The following TF variants were observed in gnomAD, a reference collection of about 807,000 sequenced individuals.
TF encodes the protein serotransferrin.
In TF, 55 loss-of-function variants were observed where a neutral mutation model predicts 82.4. The observed-to-expected ratio is 0.67, with a 90% CI of 0.54 to 0.84. The LOEUF (loss-of-function observed/expected upper bound fraction) is 0.84. Among genes scored for constraint, TF ranks in the 40% least tolerant of loss-of-function variants. TF has a pLI of 0.00. For synonymous variants in TF, 332 were observed against 332.6 expected (o/e 1.00, Z 0.02); for missense variants, 737 against 868.4 (o/e 0.85, Z 1.90).
the TF span, among the ~76,000 whole-genome samples, chr3:133,709,180 C>T: frequency 7.2e-4 from 109 of 152,340 alleles, no homozygotes; most frequent in Non-Finnish European, 1.3e-3. Flanking sequence ...AAAAACCTAA[C>T]ATCTCCAAGA....
chr3:133,705,239 A>G, the TF span, among the ~76,000 whole-genome samples: 1 of 150,680 alleles, frequency 6.6e-6, no homozygotes, highest in African/African-American at 2.4e-5. Context: ...GTGCCATTGC[A>G]CTCCAGCCTG....
At chr3:133,713,056 GTCACAACTC>G in the TF span, among the ~76,000 whole-genome samples, 2 of 152,358 alleles carry the variant, frequency 1.3e-5, no homozygotes, top group South Asian at 4.1e-4. Context: ...TGGCGGCAGA[GTCACAACTC>G]TAGTTCTACT....
the TF span, among the ~76,000 whole-genome samples, chr3:133,722,208 C>G: frequency 6.6e-6 from 1 of 151,726 alleles, no homozygotes; most frequent in African/African-American, 2.4e-5. Context: ...GACTTAATGT[C>G]TATTTTATCT....
rs2107941670 is a variant in TF, at chr3:133,783,724, C to G, written c.*5104C>G. Reference sequence around the variant, plus strand: ...ACAGAATTTGAGATGTGAGCGCGGACAGCTCTGCTGGGCCCTCCAGGCCCT... The same window carrying G: ...ACAGAATTTGAGATGTGAGCGCGGAGAGCTCTGCTGGGCCCTCCAGGCCCT... On this transcript the variant is annotated 3_prime_UTR_variant, in exon 17 of 17. Transcript: ENST00000402696. The G allele has an allele frequency of 6.6e-6, 1 of 152,388 alleles. No homozygotes were observed. Among genetic ancestry groups the G allele is most frequent in the South Asian group, 2.1e-4 (1 of 4,832 alleles). The allele number at this position is 152,388 out of a possible 1,614,324, so 9.4% of individuals were successfully genotyped here.
At chr3:133,702,019 T>C in the TF span, 1 of 153,096 alleles carries the variant, frequency 6.5e-6, no homozygotes, top group Non-Finnish European at 1.5e-5. Flanking sequence ...GTGCTGTGAC[T>C]GGTGGTGCCT....
chr3:133,663,226 A>C, the TF span, among the ~76,000 whole-genome samples: 1 of 152,068 alleles, frequency 6.6e-6, no homozygotes, highest in Non-Finnish European at 1.5e-5. Flanking sequence ...CCACTTGCCC[A>C]TGGTGTATTT....
chr3:133,694,736 C>T, the TF span, among the ~76,000 whole-genome samples: 1 of 152,240 alleles, frequency 6.6e-6, no homozygotes, highest in Non-Finnish European at 1.5e-5. Flanking sequence ...CCCCATCTCC[C>T]TCTCAGCCCC....
chr3:133,740,927 T>TTTA, the TF span, among the ~76,000 whole-genome samples: 4 of 110,140 alleles, frequency 3.6e-5, no homozygotes, highest in East Asian at 5.9e-4. Flanking sequence ...TTTTTTTTTT[T>TTTA]AATTTGAGTA....
rs1934092344 is a variant in TF, at chr3:133,764,997, T to C, written c.1330+90T>C. ...AGATTTAAAATTCAAGTATATAAGG[T>C]GCTGTAAGAGACCAATTTTCACAAT... On this transcript the variant is annotated intron_variant, in intron 11 of 16. Coordinates refer to ENST00000402696, the MANE Select transcript of TF (RefSeq NM_001063.4). 4 of 1,378,584 alleles carry C rather than the reference T, an allele frequency of 2.9e-6. No individual in the cohort carries two copies. In the Admixed American group the frequency reaches 5.2e-5, roughly 18 times the overall value. The allele number at this position is 1,378,584 out of a possible 1,614,324, so 85.4% of individuals were successfully genotyped here.
chr3:133,772,356 G>A (rs991991405), intron 14 of TF, among the ~76,000 whole-genome samples: 3 of 151,964 alleles, frequency 2.0e-5, no homozygotes, highest in African/African-American at 7.3e-5. Context: ...TTTAAGCTTT[G>A]ACTCTCTTAC....
rs1458570382 is a variant in TF, at chr3:133,794,877, A to C, written c.*16257A>C. On this transcript the variant is annotated 3_prime_UTR_variant, in exon 17 of 17. Coordinates refer to ENST00000402696, the MANE Select transcript of TF (RefSeq NM_001063.4). ...TGCCTCTATGAAGAATAGAAGTGGA[A>C]AAAGGATCTGTTGTGTACAATTATG... is the stretch of plus-strand genomic sequence containing the variant. 6.6e-6 allele frequency: 1 copy of C among 152,218 alleles called. No individual in the cohort carries two copies. Among genetic ancestry groups the C allele is most frequent in the African/African-American group, 2.4e-5 (1 of 41,456 alleles). 9.4% of individuals were successfully genotyped at this position (152,218 alleles called of 1,614,324 possible). A position where few individuals can be genotyped will look rare whatever the true frequency, so the allele number is the denominator to read the frequency against.
At chr3:133,749,519 A>G (rs568483430) in intron 2 of TF, among the ~76,000 whole-genome samples, 1 of 152,256 alleles carries the variant, frequency 6.6e-6, no homozygotes, top group South Asian at 2.1e-4. Flanking sequence ...CAATGGAGGG[A>G]AAAAGGAGAG....
chr3:133,723,314 T>C, the TF span, among the ~76,000 whole-genome samples: 2 of 152,188 alleles, frequency 1.3e-5, no homozygotes, highest in African/African-American at 4.8e-5. Context: ...TGGATGTTCA[T>C]ATCTCTTACT....
At position 133,791,286 on chromosome 3, in the gene TF, T is replaced by A. The variant is rs1408666549; in HGVS notation, c.*12666T>A. 1 of 152,164 alleles carries A rather than the reference T, an allele frequency of 6.6e-6. No individual in the cohort carries two copies. Among genetic ancestry groups the A allele is most frequent in the African/African-American group, 2.4e-5 (1 of 41,436 alleles). The allele number at this position is 152,164 out of a possible 1,614,324, so 9.4% of individuals were successfully genotyped here. ...TATATTTTCATAAACAGAATTTGAG[T>A]CATATTTCTCTGTCTGCCCATTTTC... On this transcript the variant is annotated 3_prime_UTR_variant, in exon 17 of 17. Coordinates refer to ENST00000402696, the MANE Select transcript of TF (RefSeq NM_001063.4).
Position 133,788,106 on chromosome 3 carries a change from GT to G in TF, c.*9487del, listed in dbSNP as rs1934732713. ...AACCCTACTGATGCAAGAGAATAGG[GT>G]CTGGAGGCAGGAAACATAAAGCAGA... is the stretch of plus-strand genomic sequence containing the variant. On this transcript the variant is annotated 3_prime_UTR_variant, in exon 17 of 17. Coordinates refer to ENST00000402696, the MANE Select transcript of TF (RefSeq NM_001063.4). 6.6e-6 allele frequency: 1 copy of G among 152,334 alleles called. No individual in the cohort carries two copies. Among genetic ancestry groups the G allele is most frequent in the African/African-American group, 2.4e-5 (1 of 41,440 alleles). The allele number at this position is 152,334 out of a possible 1,614,324, so 9.4% of individuals were successfully genotyped here. A position where few individuals can be genotyped will look rare whatever the true frequency, so the allele number is the denominator to read the frequency against.
Position 133,751,056 on chromosome 3 carries a change from AC to A in TF, c.216+2475del, listed in dbSNP as rs1278949912. The stretch of plus-strand genomic sequence containing the variant: ...TGGTATATTAAAAATATGTTTTACA[AC>A]CCAAATATCCATTGATGAGTGAATA... On this transcript the variant is annotated intron_variant, in intron 2 of 16. Transcript: ENST00000402696. Among the ~76,000 whole-genome samples, 3 of 152,174 alleles carry A rather than the reference AC, an allele frequency of 2.0e-5. No individual in the cohort carries two copies. The East Asian group carries it at 5.8e-4, about 29-fold the overall frequency.
intron 8 of TF, among the ~76,000 whole-genome samples, 156 bp from the exon 9 acceptor site, chr3:133,759,019 T>A (rs535258360): frequency 6.6e-6 from 1 of 152,320 alleles, no homozygotes; most frequent in African/African-American, 2.4e-5. Context: ...GATTGTGCAT[T>A]GACTTTGCTT....
the TF span, among the ~76,000 whole-genome samples, chr3:133,740,986 ATTTTTTT>A: frequency 2.1e-5 from 1 of 47,480 alleles, no homozygotes; most frequent in Non-Finnish European, 3.6e-5. Context: ...ATCCAGCTCT[ATTTTTTT>A]TTTTTTTTTT....
rs572420069 is a variant in TF at position 133,748,521 on chromosome 3, C to T, written c.153C>T (p.Ser51=). The change falls in exon 2 of 17, where the codon TCC becomes TCT. Residue 51 remains serine (S), a synonymous_variant. Coordinates refer to ENST00000402696, the MANE Select transcript of TF (RefSeq NM_001063.4). The part of the protein sequence containing the change: ...FRDHMKSVIP[S]DGPSVACVKK... The stretch of plus-strand genomic sequence containing the variant: ...ACCATATGAAAAGCGTCATTCCATC[C>T]GATGGTCCCAGTGTTGCTTGTGTGA... 2.5e-5 allele frequency: 40 copies of T among 1,614,098 alleles called. No homozygotes were observed. The African/African-American group carries it at 3.1e-4, about 12-fold the overall frequency.
Sources: allele counts gnomAD v4.1 joint callset (sites outside exome capture counted in the v4.1 genomes callset), GRCh38; gene constraint gnomAD v4.1.1; transcripts MANE v1.5; gene names NCBI Gene and HGNC (gene_info 2026-07-23, HGNC 2026-07-21).